SLC12A9: variants seen among roughly 807,000 people sequenced by gnomAD.
The protein encoded by SLC12A9 is CCC-interacting protein 1.
Under a neutral mutation model 66.0 loss-of-function variants are expected in SLC12A9, and 55 were observed. That is an observed-to-expected ratio of 0.83 (90% CI 0.67 to 1.04). The LOEUF is 1.04. Among genes scored for constraint, SLC12A9 ranks in the 50% least tolerant of loss-of-function variants. SLC12A9 has a pLI of 0.00. For missense variants in SLC12A9, 1,061 were observed against 1,241.9 expected (o/e 0.85, Z 2.19); for synonymous variants, 577 against 569.0 (o/e 1.01, Z -0.20).
intron 1 of SLC12A9, among the ~76,000 whole-genome samples, chr7:100,839,921 T>G (rs967655796): frequency 5.2e-4 from 77 of 148,954 alleles, no homozygotes; most frequent in African/African-American, 1.9e-3. Context: ...TGGGTGCCTG[T>G]AGTCCCCACC....
At chr7:100,860,329 A>G in intron 9 of SLC12A9, 97 bp downstream of exon 9, 1 of 1,262,160 alleles carries the variant, frequency 7.9e-7, no homozygotes, top group Middle Eastern at 2.0e-4. Context: ...TGTAAAGACA[A>G]ATGCGTATGC....
intron 1 of SLC12A9, among the ~76,000 whole-genome samples, chr7:100,829,798 G>A (rs924335328): frequency 6.6e-6 from 1 of 152,174 alleles, no homozygotes; most frequent in Non-Finnish European, 1.5e-5. Context: ...GGAGGCCGAG[G>A]CGGGTGGATC....
intron 9 of SLC12A9, 71 bp downstream of exon 9, chr7:100,860,303 C>T: frequency 6.7e-7 from 1 of 1,501,120 alleles, no homozygotes; most frequent in South Asian, 1.2e-5. Flanking sequence ...CAGTTAGATG[C>T]AGGCTGGGAG....
At chr7:100,859,300 T>C in intron 7 of SLC12A9, 139 bp downstream of exon 7, 1 of 766,480 alleles carries the variant, frequency 1.3e-6, no homozygotes, top group East Asian at 2.5e-5. Context: ...ATTGACAACC[T>C]ATAGCCAGCA....
At position 100,865,793 on chromosome 7, in the gene SLC12A9, C is replaced by T. The variant is rs1475733778; in HGVS notation, c.1933C>T (p.Pro645Ser). The stretch of plus-strand genomic sequence containing the variant: ...ACCGCAGGACCATTTCCTGACGGAC[C>T]CGGCTTTCTCTGAGCCTGCAGACAG... ...APPQDHFLTD[P>S]AFSEPADSTR... Residue 645 changes from proline to serine, a missense_variant, in exon 14 of 14, where the codon CCG (proline) becomes TCG (serine). By Grantham distance (74) the Pro-to-Ser change is moderately conservative. Transcript: ENST00000354161. 1 of 1,614,030 alleles carries T rather than the reference C, an allele frequency of 6.2e-7. No individual in the cohort carries two copies. Among genetic ancestry groups the T allele is most frequent in the African/African-American group, 1.3e-5 (1 of 75,050 alleles).
chr7:100,829,382 C>A (rs995636084), intron 1 of SLC12A9, among the ~76,000 whole-genome samples: 7 of 152,170 alleles, frequency 4.6e-5, no homozygotes, highest in Non-Finnish European at 1.0e-4. Context: ...TGCCAAGCGC[C>A]CTTACGTCCC....
rs745507014 is a variant in SLC12A9 at position 100,826,965 on chromosome 7, G to GC, written n.147dup. 72 of 1,213,536 alleles carry GC rather than the reference G, an allele frequency of 5.9e-5. No homozygotes were observed. The East Asian group carries it at 1.2e-3, about 20-fold the overall frequency. 75.2% of individuals were successfully genotyped at this position (1,213,536 alleles called of 1,614,324 possible). On this transcript the variant is annotated non_coding_transcript_exon_variant, in exon 1 of 2. Coordinates refer to the SLC12A9 transcript ENST00000461016. ...GGAGTGACGGGGTGCGCCCCCCCCC[G>GC]CAAGGAAACTCACCTTCCAAAGCTG...
At chr7:100,862,640 G>A (rs2116638501) in intron 12 of SLC12A9, 41 bp from the exon 13 acceptor site, 1 of 1,609,584 alleles carries the variant, frequency 6.2e-7, no homozygotes, top group Non-Finnish European at 8.5e-7. Flanking sequence ...CATTGAGTTT[G>A]GACAACACTG....
chr7:100,848,406 G>C, upstream of SLC12A9, among the ~76,000 whole-genome samples: 1 of 151,948 alleles, frequency 6.6e-6, no homozygotes, highest in Non-Finnish European at 1.5e-5. Flanking sequence ...GCTGAGGCAG[G>C]AGGATTGCTT....
At chr7:100,862,986 T>C (rs1281819618) in intron 13 of SLC12A9, among the ~76,000 whole-genome samples, 159 bp downstream of exon 13, 1 of 151,598 alleles carries the variant, frequency 6.6e-6, no homozygotes, top group Non-Finnish European at 1.5e-5. Context: ...CCTCAGACAG[T>C]GTGTGATAAG....
intron 1 of SLC12A9, among the ~76,000 whole-genome samples, chr7:100,829,970 G>A (rs1231915864): frequency 6.6e-6 from 1 of 152,076 alleles, no homozygotes; most frequent in East Asian, 1.9e-4. Flanking sequence ...AGAAGTTGCA[G>A]TGAGCAGAGA....
chr7:100,865,085 G>A (rs1814990503), intron 13 of SLC12A9, among the ~76,000 whole-genome samples: 1 of 152,098 alleles, frequency 6.6e-6, no homozygotes, highest in Non-Finnish European at 1.5e-5. Context: ...AGCCTCCTGA[G>A]TAGCTGGGAT....
chr7:100,833,902 C>A (rs1813591273), intron 1 of SLC12A9, among the ~76,000 whole-genome samples: 1 of 128,992 alleles, frequency 7.8e-6, no homozygotes, highest in African/African-American at 3.1e-5. Context: ...CACTGCACTC[C>A]AGCCTCAGGT....
At chr7:100,850,563 CAG>C (rs1294947866), upstream of SLC12A9, among the ~76,000 whole-genome samples, 1 of 151,444 alleles carries the variant, frequency 6.6e-6, no homozygotes, top group Non-Finnish European at 1.5e-5. Context: ...TTGTTTGAGA[CAG>C]GGTCTCACTC....
chr7:100,844,846 C>G (rs1813872421), intron 1 of SLC12A9, among the ~76,000 whole-genome samples: 1 of 152,120 alleles, frequency 6.6e-6, no homozygotes, highest in Admixed American at 6.6e-5. Flanking sequence ...TATTTCAAAA[C>G]TTCTATGATA....
intron 2 of SLC12A9, 85 bp from the exon 3 acceptor site, chr7:100,854,535 C>A: frequency 6.2e-7 from 1 of 1,600,476 alleles, no homozygotes; most frequent in Non-Finnish European, 8.5e-7. Flanking sequence ...TTGCATTTAG[C>A]TCCACCCTGG....
chr7:100,852,992 G>T (rs1316941734), intron 1 of SLC12A9, among the ~76,000 whole-genome samples, 157 bp downstream of exon 1: 1 of 145,848 alleles, frequency 6.9e-6, no homozygotes, highest in African/African-American at 2.5e-5. Context: ...CTCGGTGGGA[G>T]CCGGTCTGTG....
chr7:100,861,059 G>C lies in SLC12A9; in HGVS notation c.1219-79G>C, dbSNP rs1814719323. On this transcript the variant is annotated intron_variant, in intron 9 of 13. Coordinates refer to ENST00000354161, the MANE Select transcript of SLC12A9 (RefSeq NM_020246.4). This position sits in a 1 kb window ranked among gnomAD's most constrained non-coding sequence, Gnocchi z 5.3. ...CTCATTGACACTTTGGGGTACACTG[G>C]CATTCTTTGGTGTTCACTGGCATTT... The C allele has an allele frequency of 6.2e-7, 1 of 1,608,272 alleles. No individual in the cohort carries two copies.
Position 100,855,838 on chromosome 7 carries a change from G to A in SLC12A9, c.448+1G>A. 6.2e-7 allele frequency: 1 copy of A among 1,603,312 alleles called. No individual in the cohort carries two copies. The highest frequency in any genetic ancestry group is 1.1e-5 in the South Asian group (1 of 89,098). On this transcript the variant is annotated splice_donor_variant, in intron 4 of 13. Coordinates refer to ENST00000354161, the MANE Select transcript of SLC12A9 (RefSeq NM_020246.4). LOFTEE classifies it high-confidence loss of function. ...TCTGTGCTTGATGTCTTCGGGGCCG[G>A]TCTGTGCTCTGTCCGATCTGGGCAG...
Sources: gnomAD v4.1 joint callset for allele counts (sites outside exome capture counted in the v4.1 genomes callset) on GRCh38, gnomAD v4.1.1 for gene constraint, Gnocchi (gnomAD v3.1) non-coding constraint, MANE v1.5 for transcripts, NCBI Gene and HGNC (gene_info 2026-07-23, HGNC 2026-07-21) for gene names.